The following CUL5 variants were observed in gnomAD, a reference collection of about 807,000 sequenced individuals.
CUL5 encodes cullin 5.
Under a neutral mutation model 108.8 loss-of-function variants are expected in CUL5, and 26 were observed. The ratio of observed to expected loss-of-function variants is 0.24; its 90% CI spans 0.18 to 0.33. The LOEUF (loss-of-function observed/expected upper bound fraction) is 0.33. Among genes scored for constraint, CUL5 ranks in the 10% least tolerant of loss-of-function variants. The pLI is 1.00. For missense variants in CUL5, 524 were observed against 909.2 expected (o/e 0.58, Z 5.45); for synonymous variants, 334 against 298.0 (o/e 1.12, Z -1.25).
At chr11:108,064,661 G>T (rs1251784228) in intron 7 of CUL5, among the ~76,000 whole-genome samples, 1 of 152,132 alleles carries the variant, frequency 6.6e-6, no homozygotes, top group Non-Finnish European at 1.5e-5. Flanking sequence ...AGTGAGCCAA[G>T]ATCATGCCAC....
chr11:108,102,396 A>G (rs1350427021), intron 18 of CUL5, among the ~76,000 whole-genome samples: 1 of 152,078 alleles, frequency 6.6e-6, no homozygotes, highest in East Asian at 1.9e-4. Context: ...GTACAATCTC[A>G]GCTCACTGCA....
chr11:108,073,741 T>C (rs1236317547), intron 10 of CUL5: 1 of 236,348 alleles, frequency 4.2e-6, no homozygotes, highest in Non-Finnish European at 8.1e-6. Flanking sequence ...TTTCCAAGAA[T>C]GTTTTTCTGT....
intron 1 of CUL5, among the ~76,000 whole-genome samples, chr11:108,016,058 A>G (rs1862178931): frequency 6.6e-6 from 1 of 152,034 alleles, no homozygotes; most frequent in Non-Finnish European, 1.5e-5. Context: ...AGTGGCTGAG[A>G]CTACAGGCAC....
chr11:108,104,216 GAGAA>G lies in CUL5; in HGVS notation c.2181_2184del (p.Lys728LeufsTer10). 6.3e-7 allele frequency: 1 copy of G among 1,580,474 alleles called. No homozygotes were observed. The highest frequency in any genetic ancestry group is 8.6e-7 in the Non-Finnish European group (1 of 1,168,416). ...AAGCTATCATACAAATAATGAAAATGAGAAAGAAAATTAGTAATGCTCAGCTGCA... is the reference window on the plus strand; with the variant it reads ...AAGCTATCATACAAATAATGAAAATGAGAAAATTAGTAATGCTCAGCTGCA... On this transcript the variant is annotated frameshift_variant, in exon 19 of 19. Transcript: ENST00000393094. LOFTEE classifies it high-confidence loss of function.
At chr11:108,016,279 T>G (rs890583123) in intron 1 of CUL5, among the ~76,000 whole-genome samples, 1 of 152,056 alleles carries the variant, frequency 6.6e-6, no homozygotes, top group African/African-American at 2.4e-5. Flanking sequence ...TCTTTTCTTT[T>G]CTGTTGAGAC....
intron 5 of CUL5, 47 bp from the exon 6 acceptor site, chr11:108,054,600 C>A (rs3847562): frequency 1.5e-6 from 2 of 1,304,868 alleles, no homozygotes; most frequent in Non-Finnish European, 2.1e-6. Flanking sequence ...ACTCAAAATA[C>A]TGATTTTGAT....
At chr11:108,046,207 T>G (rs1226551791) in intron 2 of CUL5, 63 bp from the exon 3 acceptor site, 7 of 1,154,880 alleles carry the variant, frequency 6.1e-6, no homozygotes, top group Non-Finnish European at 8.9e-6. Flanking sequence ...AAATAGAATT[T>G]AAGATGTTTT....
chr11:108,017,777 A>G (rs1196891924), intron 1 of CUL5, among the ~76,000 whole-genome samples: 1 of 151,864 alleles, frequency 6.6e-6, no homozygotes, highest in Non-Finnish European at 1.5e-5. Context: ...TTGAGCACAG[A>G]TCAAGGCTGC....
chr11:108,068,385 C>G (rs1350277099), intron 7 of CUL5, among the ~76,000 whole-genome samples: 1 of 152,024 alleles, frequency 6.6e-6, no homozygotes, highest in African/African-American at 2.4e-5. Flanking sequence ...GTGACATGAT[C>G]AAGGCTTACT....
chr11:108,097,951 TG>T (rs1335678709), intron 17 of CUL5, among the ~76,000 whole-genome samples, 197 bp downstream of exon 17: 1 of 152,246 alleles, frequency 6.6e-6, no homozygotes, highest in Non-Finnish European at 1.5e-5. Context: ...GATACATTTT[TG>T]GTCTCTGACA....
At chr11:108,098,624 T>C in intron 18 of CUL5, 95 bp downstream of exon 18, 1 of 1,080,638 alleles carries the variant, frequency 9.3e-7, no homozygotes, top group Non-Finnish European at 1.2e-6. Flanking sequence ...TTTAAAAGCA[T>C]GTAGGGGCTA....
intron 10 of CUL5, 44 bp from the exon 11 acceptor site, chr11:108,078,132 A>G (rs1258708963): frequency 1.7e-6 from 2 of 1,144,468 alleles, no homozygotes; most frequent in Non-Finnish European, 2.5e-6. Context: ...TTATCTGTAT[A>G]TTTTCAATAT....
chr11:108,055,097 C>A, intron 7 of CUL5, 142 bp downstream of exon 7: 1 of 665,220 alleles, frequency 1.5e-6, no homozygotes, highest in Non-Finnish European at 2.5e-6. Context: ...TGAGCCATAG[C>A]ACAACTTTGT....
chr11:108,057,149 T>G (rs911573787), intron 7 of CUL5, among the ~76,000 whole-genome samples: 4 of 152,146 alleles, frequency 2.6e-5, no homozygotes, highest in Non-Finnish European at 5.9e-5. Context: ...ACTAAAAGAA[T>G]AAGTCCAGAG....
At chr11:108,019,719 A>G (rs1456315797) in intron 1 of CUL5, among the ~76,000 whole-genome samples, 1 of 152,122 alleles carries the variant, frequency 6.6e-6, no homozygotes, top group Admixed American at 6.6e-5. Flanking sequence ...TAATAGGATA[A>G]TAAAATTATT....
intron 13 of CUL5, among the ~76,000 whole-genome samples, chr11:108,090,613 C>T (rs970252722): frequency 3.3e-5 from 5 of 152,080 alleles, no homozygotes; most frequent in African/African-American, 9.7e-5. Flanking sequence ...TTCTGTATAG[C>T]AAAAAGAACC....
chr11:108,016,530 G>A (rs546810621), intron 1 of CUL5, among the ~76,000 whole-genome samples: 9 of 152,282 alleles, frequency 5.9e-5, no homozygotes, highest in Non-Finnish European at 1.2e-4. Context: ...GATTACTGGC[G>A]TGAGCTACCA....
intron 7 of CUL5, among the ~76,000 whole-genome samples, chr11:108,066,524 G>T (rs1004473197): frequency 6.6e-6 from 1 of 151,782 alleles, no homozygotes. Flanking sequence ...CATTTTAGCA[G>T]TGTTTTCTTC....
intron 8 of CUL5, 34 bp from the exon 9 acceptor site, chr11:108,072,298 G>A (rs376271612): frequency 9.8e-6 from 15 of 1,525,058 alleles, no homozygotes; most frequent in Non-Finnish European, 1.2e-5. Flanking sequence ...TCTAGTAAAT[G>A]AAATGATTAC....
Sources: gnomAD v4.1 joint callset for allele counts (sites outside exome capture counted in the v4.1 genomes callset) on GRCh38, gnomAD v4.1.1 for gene constraint, MANE v1.5 for transcripts, NCBI Gene and HGNC (gene_info 2026-07-23, HGNC 2026-07-21) for gene names.